FOXA3: variants seen among roughly 807,000 people sequenced by gnomAD.
FOXA3 encodes hepatocyte nuclear factor 3-gamma.
Under a neutral mutation model 16.9 loss-of-function variants are expected in FOXA3, and 11 were observed. The ratio of observed to expected loss-of-function variants is 0.65; its 90% CI spans 0.41 to 1.08. The LOEUF (loss-of-function observed/expected upper bound fraction) is 1.08. Among genes scored for constraint, FOXA3 ranks in the 50% least tolerant of loss-of-function variants. The pLI is 0.00. For missense variants in FOXA3, 423 were observed against 470.1 expected, an observed-to-expected ratio of 0.90 and a Z score of 0.93; for synonymous variants, 217 against 203.3, an observed-to-expected ratio of 1.07 and a Z score of -0.57.
In FOXA3 at chr19:45,872,893, G is replaced by T; in HGVS notation, c.888G>T (p.Ala296=). The part of the protein sequence containing the change: ...LELPGELKLD[A]PYNFNHPFSI... ...TCCCAGGGGAGCTGAAGCTGGACGC[G>T]CCCTACAACTTCAACCACCCTTTCT... Residue 296 remains alanine, a synonymous_variant, in exon 2 of 2, where the codon GCG becomes GCT. Coordinates refer to ENST00000302177, the MANE Select transcript of FOXA3 (RefSeq NM_004497.3). The surrounding 1 kb of genome is among the most constrained non-coding windows in gnomAD (Gnocchi z 4.5). The T allele has an allele frequency of 6.2e-7, 1 of 1,614,048 alleles. No homozygotes were observed. Among genetic ancestry groups the T allele is most frequent in the Non-Finnish European group, 8.5e-7 (1 of 1,180,024 alleles).
intron 1 of FOXA3, 83 bp downstream of exon 1, chr19:45,864,608 GT>G: frequency 8.4e-7 from 1 of 1,187,944 alleles, no homozygotes. Context: ...CTGGTTGTGG[GT>G]TCAAATGGAG....
At position 45,872,614 on chromosome 19, in the gene FOXA3, T is replaced by C. The variant is rs1351796312; in HGVS notation, c.609T>C (p.Asn203=). The change falls in exon 2 of 2, where the codon AAT becomes AAC. Residue 203 remains asparagine, a synonymous_variant. Coordinates refer to ENST00000302177, the MANE Select transcript of FOXA3 (RefSeq NM_004497.3). This position sits in a 1 kb window ranked among gnomAD's most constrained non-coding sequence, Gnocchi z 4.5. ...CCAGCTCAGGGAACATGTTTGAGAA[T>C]GGCTGCTACCTGCGCCGCCAGAAAC... ...LHPSSGNMFE[N]GCYLRRQKRF... The C allele has an allele frequency of 6.2e-7, 1 of 1,614,134 alleles. No individual in the cohort carries two copies. The highest frequency in any genetic ancestry group is 1.1e-5 in the South Asian group (1 of 91,086).
At position 45,867,864 on chromosome 19, in the gene FOXA3, G is replaced by A. The variant is rs148754737; in HGVS notation, c.69+3339G>A. Reference sequence around the variant, plus strand: ...GGGGTTGGGAGGGGAGTGGGGTAGAGTCGGATAGTGAGAGAGAGTGCCCAG... The same window carrying A: ...GGGGTTGGGAGGGGAGTGGGGTAGAATCGGATAGTGAGAGAGAGTGCCCAG... On this transcript the variant is annotated intron_variant, in intron 1 of 1. Transcript: ENST00000302177. Among the ~76,000 whole-genome samples the A allele has an allele frequency of 2.8e-3, 420 of 150,850 alleles. 2 individuals carry two copies. The highest frequency in any genetic ancestry group is 9.8e-3 in the African/African-American group (400 of 40,872).
At position 45,872,730 on chromosome 19, in the gene FOXA3, C is replaced by A. The variant is rs773364143; in HGVS notation, c.725C>A (p.Thr242Asn). The change falls in exon 2 of 2, where the codon ACC becomes AAC. Residue 242 changes from threonine (T) to asparagine (N), a missense_variant. Around this residue, in one of 3 missense-constraint regions of FOXA3, gnomAD observed 168 missense variants for 179.3 expected, o/e 0.94. Coordinates refer to ENST00000302177, the MANE Select transcript of FOXA3 (RefSeq NM_004497.3). The surrounding 1 kb of genome is among the most constrained non-coding windows in gnomAD (Gnocchi z 4.5). ...NGTGSAASTT[T>N]PAATVTSPPQ... ...ACAGGGTCTGCTGCCTCGACCACCA[C>A]CCCCGCGGCCACAGTCACCTCCCCG... 6.2e-7 allele frequency: 1 copy of A among 1,601,468 alleles called. No homozygotes were observed. Among genetic ancestry groups the A allele is most frequent in the Non-Finnish European group, 8.5e-7 (1 of 1,174,638 alleles).
intron 1 of FOXA3, among the ~76,000 whole-genome samples, chr19:45,867,551 G>C (rs1468877611): frequency 6.6e-6 from 1 of 151,908 alleles, no homozygotes; most frequent in Non-Finnish European, 1.5e-5. Context: ...AGGCCGAAGA[G>C]GGTGGATCAC....
chr19:45,864,433 C>A lies in FOXA3; in HGVS notation c.-24C>A. 2 of 1,392,562 alleles carry A rather than the reference C, an allele frequency of 1.4e-6. No individual in the cohort carries two copies. The highest frequency in any genetic ancestry group is 2.5e-4 in the Middle Eastern group (1 of 4,034). 86.3% of individuals were successfully genotyped at this position (1,392,562 alleles called of 1,614,324 possible). A position where few individuals can be genotyped will look rare whatever the true frequency, so the allele number is the denominator to read the frequency against. ...CGTTCCCCCGGGGCCGGAGCGGGGG[C>A]GGGTGGGGGCGTAAGCCCGGGGGAT... On this transcript the variant is annotated 5_prime_UTR_variant, in exon 1 of 2. Coordinates refer to ENST00000302177, the MANE Select transcript of FOXA3 (RefSeq NM_004497.3).
In FOXA3 at chr19:45,873,185, T is replaced by A; in HGVS notation, c.*127T>A. The A allele has an allele frequency of 7.2e-7, 1 of 1,397,392 alleles. No individual in the cohort carries two copies. The highest frequency in any genetic ancestry group is 9.7e-7 in the Non-Finnish European group (1 of 1,027,428). The allele number at this position is 1,397,392 out of a possible 1,614,324, so 86.6% of individuals were successfully genotyped here. ...ATCTGGGTGGGTCTATTACTTACTG[T>A]GATGACTGCTGTCTCAGTGGGCATG... is the stretch of plus-strand genomic sequence containing the variant. On this transcript the variant is annotated 3_prime_UTR_variant, in exon 2 of 2. Coordinates refer to ENST00000302177, the MANE Select transcript of FOXA3 (RefSeq NM_004497.3).
chr19:45,864,490 C>A lies in FOXA3; in HGVS notation c.34C>A (p.Leu12Met). ...CTCAGTGAAGATGGAGGCCCATGAC[C>A]TGGCCGAGTGGAGCTACTACCCGGA... ...LGSVKMEAHDLAEWSYYPEAG... is the reference protein window; with the variant it reads ...LGSVKMEAHDMAEWSYYPEAG... Residue 12 changes from leucine to methionine, a missense_variant, in exon 1 of 2, where the codon CTG becomes ATG. Physicochemically the swap from Leu to Met is conservative, Grantham distance 15. This residue lies in a region of FOXA3 where 170 missense variants were observed against 153.9 expected (regional missense o/e 1.10). Transcript: ENST00000302177. The A allele has an allele frequency of 6.5e-7, 1 of 1,546,478 alleles. No homozygotes were observed. Among genetic ancestry groups the A allele is most frequent in the Admixed American group, 1.9e-5 (1 of 51,956 alleles).
In FOXA3 at chr19:45,871,666, G is replaced by A. The variant is rs190339464; in HGVS notation, c.70-409G>A. On this transcript the variant is annotated intron_variant, in intron 1 of 1. Transcript: ENST00000302177. Reference sequence around the variant, plus strand: ...GGAGAATTGGTTGAGCCCAGGAGGCGGAGGTTGCATTGAGGTGAGATCACG... The same window carrying A: ...GGAGAATTGGTTGAGCCCAGGAGGCAGAGGTTGCATTGAGGTGAGATCACG... Among the ~76,000 whole-genome samples the A allele has an allele frequency of 1.4e-3, 219 of 152,124 alleles. 3 individuals carry two copies. The highest frequency in any genetic ancestry group is 5.0e-3 in the African/African-American group (209 of 41,500).
At position 45,872,790 on chromosome 19, in the gene FOXA3, C is replaced by T; in HGVS notation, c.785C>T (p.Ala262Val). The T allele has an allele frequency of 6.2e-7, 1 of 1,611,864 alleles. No homozygotes were observed. Among genetic ancestry groups the T allele is most frequent in the Non-Finnish European group, 8.5e-7 (1 of 1,179,880 alleles). Residue 262 changes from alanine (A) to valine (V), a missense_variant, in exon 2 of 2, where the codon GCC (alanine) becomes GTC (valine). Physicochemically the swap from Ala to Val is moderately conservative, Grantham distance 64 (BLOSUM62 0). Transcript: ENST00000302177. This position sits in a 1 kb window ranked among gnomAD's most constrained non-coding sequence, Gnocchi z 4.5. The part of the protein sequence containing the change: ...QPPPPAPEPE[A>V]QGGEDVGALD... ...CCGCCTCCAGCCCCTGAGCCTGAGG[C>T]CCAGGGCGGGGAAGATGTGGGGGCT... is the stretch of plus-strand genomic sequence containing the variant.
Position 45,864,519 on chromosome 19 carries a change from G to C in FOXA3, c.63G>C (p.Ala21=). 1.9e-6 allele frequency: 3 copies of C among 1,546,064 alleles called. No homozygotes were observed. The highest frequency in any genetic ancestry group is 1.2e-5 in the South Asian group (1 of 81,936). The change falls in exon 1 of 2, where the codon GCG becomes GCC. Residue 21 remains alanine (A), a synonymous_variant. Coordinates refer to ENST00000302177, the MANE Select transcript of FOXA3 (RefSeq NM_004497.3). ...CCGAGTGGAGCTACTACCCGGAGGCGGGCGAGGTGTGTCCTCGGGGATGGC... is the reference window on the plus strand; with the variant it reads ...CCGAGTGGAGCTACTACCCGGAGGCCGGCGAGGTGTGTCCTCGGGGATGGC... The part of the protein sequence containing the change: ...DLAEWSYYPE[A]GEVYSPVTPV...
intron 1 of FOXA3, among the ~76,000 whole-genome samples, chr19:45,869,155 G>A (rs985200279): frequency 6.6e-6 from 1 of 151,914 alleles, no homozygotes; most frequent in African/African-American, 2.4e-5. Context: ...TCGAACTCCC[G>A]ACCTCAAGCG....
chr19:45,871,107 G>A (rs1185322720), intron 1 of FOXA3, among the ~76,000 whole-genome samples: 1 of 151,908 alleles, frequency 6.6e-6, no homozygotes, highest in Admixed American at 6.6e-5. Flanking sequence ...AATTATTTAG[G>A]AGTCCAAACA....
intron 1 of FOXA3, among the ~76,000 whole-genome samples, chr19:45,870,316 T>A (rs1461375613): frequency 6.6e-6 from 1 of 151,476 alleles, no homozygotes; most frequent in Non-Finnish European, 1.5e-5. Flanking sequence ...ACTACAGGCG[T>A]TCGCCACCAC....
rs764348990 is a variant in FOXA3 at position 45,873,680 on chromosome 19, A to G, written c.*622A>G. The G allele has an allele frequency of 6.5e-6, 1 of 154,394 alleles. No homozygotes were observed. Among genetic ancestry groups the G allele is most frequent in the Admixed American group, 6.3e-5 (1 of 15,780 alleles). 9.6% of individuals were successfully genotyped at this position (154,394 alleles called of 1,614,324 possible). On this transcript the variant is annotated 3_prime_UTR_variant, in exon 2 of 2. Coordinates refer to ENST00000302177, the MANE Select transcript of FOXA3 (RefSeq NM_004497.3). ...CCACCCTTTCCCCCAACTCTGGTCC[A>G]GGAGAAACCAGAAAAGGCTGGTTAG...
chr19:45,869,265 C>T (rs943852924), intron 1 of FOXA3, among the ~76,000 whole-genome samples: 4 of 151,986 alleles, frequency 2.6e-5, no homozygotes, highest in African/African-American at 7.3e-5. Flanking sequence ...TAGCGTGACC[C>T]GGAACAGGTC....
chr19:45,871,082 C>G (rs1345897853), intron 1 of FOXA3, among the ~76,000 whole-genome samples: 1 of 151,576 alleles, frequency 6.6e-6, no homozygotes, highest in Non-Finnish European at 1.5e-5. Flanking sequence ...AGAGTGAGAC[C>G]CTGTAGAAAA....
chr19:45,869,723 G>A (rs775826566), intron 1 of FOXA3, among the ~76,000 whole-genome samples: 1 of 152,060 alleles, frequency 6.6e-6, no homozygotes, highest in Non-Finnish European at 1.5e-5. Context: ...ATATTATTAG[G>A]TTGAAAAGTG....
At chr19:45,871,843 T>A (rs1248720216) in intron 1 of FOXA3, among the ~76,000 whole-genome samples, 3 of 152,044 alleles carry the variant, frequency 2.0e-5, no homozygotes, top group African/African-American at 7.3e-5. Flanking sequence ...ACTTAAAGGA[T>A]GATGTTGAGT....
Sources: allele counts gnomAD v4.1 joint callset (sites outside exome capture counted in the v4.1 genomes callset), GRCh38; gene constraint gnomAD v4.1.1; regional missense constraint gnomAD v4.1.1; non-coding constraint Gnocchi (gnomAD v3.1); transcripts MANE v1.5; gene names NCBI Gene and HGNC (gene_info 2026-07-23, HGNC 2026-07-21).